The following TMEM45A variants were observed in gnomAD, a reference collection of about 807,000 sequenced individuals.
TMEM45A encodes DNA polymerase-transactivated protein 4.
In TMEM45A, 25 loss-of-function variants were observed where a neutral mutation model predicts 32.0. The observed-to-expected ratio is 0.78, with a 90% CI of 0.57 to 1.09. The LOEUF is 1.09. Among genes scored for constraint, TMEM45A ranks in the 50% least tolerant of loss-of-function variants. The probability of loss-of-function intolerance (pLI) is 0.00; values close to 1 mark genes in which losing one functional copy is unlikely to be tolerated. For synonymous variants in TMEM45A, 122 were observed against 114.8 expected (o/e 1.06, Z -0.40); for missense variants, 302 against 325.0 (o/e 0.93, Z 0.54).
At chr3:100,512,625 A>C (rs1204500929) in intron 1 of TMEM45A, among the ~76,000 whole-genome samples, 1 of 151,002 alleles carries the variant, frequency 6.6e-6, no homozygotes, top group Non-Finnish European at 1.5e-5. Context: ...AACTAAAATC[A>C]GAGCAGAACT....
chr3:100,505,076 G>A (rs2061083867), intron 1 of TMEM45A, among the ~76,000 whole-genome samples: 1 of 152,196 alleles, frequency 6.6e-6, no homozygotes, highest in Admixed American at 6.5e-5. Context: ...TGTTGTCACA[G>A]ACTCATTGCT....
intron 1 of TMEM45A, among the ~76,000 whole-genome samples, chr3:100,510,858 G>A (rs909789416): frequency 3.3e-5 from 5 of 152,216 alleles, no homozygotes; most frequent in African/African-American, 1.2e-4. Flanking sequence ...CGATCAACTG[G>A]AAGAAAGGTT....
chr3:100,511,964 A>G (rs1206518677), intron 1 of TMEM45A, among the ~76,000 whole-genome samples: 1 of 152,080 alleles, frequency 6.6e-6, no homozygotes, highest in Non-Finnish European at 1.5e-5. Context: ...GAGCACCCAG[A>G]TTCATAAAGC....
At chr3:100,509,891 G>A (rs13316697) in intron 1 of TMEM45A, among the ~76,000 whole-genome samples, 4,017 of 152,238 alleles carry the variant, frequency 0.026, 198 homozygotes, top group African/African-American at 0.092. Flanking sequence ...ACTCCCACCC[G>A]AATACTGCGC....
At chr3:100,513,058 T>A (rs1708194368) in intron 1 of TMEM45A, among the ~76,000 whole-genome samples, 1 of 149,214 alleles carries the variant, frequency 6.7e-6, no homozygotes, top group African/African-American at 2.5e-5. Flanking sequence ...AAGGAGGAAC[T>A]GGTACCATTC....
At chr3:100,516,915 T>C (rs1708271343) in intron 1 of TMEM45A, among the ~76,000 whole-genome samples, 1 of 152,122 alleles carries the variant, frequency 6.6e-6, no homozygotes, top group African/African-American at 2.4e-5. Context: ...TGAGTCCTTG[T>C]GAAGTGAAAA....
At chr3:100,506,500 A>G (rs775152689) in intron 1 of TMEM45A, among the ~76,000 whole-genome samples, 5 of 152,220 alleles carry the variant, frequency 3.3e-5, no homozygotes, top group African/African-American at 1.2e-4. Flanking sequence ...GTACCCTTAA[A>G]GAGTCCAACA....
intron 1 of TMEM45A, among the ~76,000 whole-genome samples, chr3:100,495,343 A>G (rs937456840): frequency 3.3e-5 from 5 of 152,212 alleles, no homozygotes; most frequent in African/African-American, 1.2e-4. Flanking sequence ...GAGGAAGGGA[A>G]GGGATTATAG....
chr3:100,547,550 C>A lies in TMEM45A; in HGVS notation c.-3-7659C>A, dbSNP rs539399386. ...TCATCATAAAGGTCTTCATCCTTAT[C>A]ATCTTTATGTTGAATAGGCTGAGGA... On this transcript the variant is annotated intron_variant, in intron 1 of 5. Coordinates refer to ENST00000323523, the MANE Select transcript of TMEM45A (RefSeq NM_018004.3). 7.2e-5 allele frequency among the ~76,000 whole-genome samples: 11 copies of A among 152,052 alleles called. No homozygotes were observed. The South Asian group carries it at 2.3e-3, about 32-fold the overall frequency.
At chr3:100,552,689 T>C (rs12635026) in intron 1 of TMEM45A, among the ~76,000 whole-genome samples, 63,657 of 151,626 alleles carry the variant, frequency 0.42, 13,478 homozygotes, top group Middle Eastern at 0.48. Context: ...GTATTTTGAG[T>C]GTGAGTGGCC....
intron 5 of TMEM45A, among the ~76,000 whole-genome samples, chr3:100,570,195 T>G (rs1225763496): frequency 6.6e-6 from 1 of 152,242 alleles, no homozygotes; most frequent in African/African-American, 2.4e-5. Flanking sequence ...GCTACTGTAT[T>G]GGACACTACA....
intron 4 of TMEM45A, among the ~76,000 whole-genome samples, chr3:100,559,994 C>G (rs1025386184): frequency 1.3e-5 from 2 of 151,982 alleles, no homozygotes; most frequent in African/African-American, 4.8e-5. Context: ...CCAGAGCAGA[C>G]GGTGATGGTT....
chr3:100,550,919 G>A (rs918168508), intron 1 of TMEM45A, among the ~76,000 whole-genome samples: 1 of 152,094 alleles, frequency 6.6e-6, no homozygotes, highest in African/African-American at 2.4e-5. Flanking sequence ...GGCTTCTTTG[G>A]ATGGGGGAGG....
intron 2 of TMEM45A, 54 bp downstream of exon 2, chr3:100,555,455 T>C (rs1321051890): frequency 6.7e-7 from 1 of 1,489,598 alleles, no homozygotes. Context: ...TTCATTCTTT[T>C]AAAGAATTGG....
At chr3:100,565,288 C>T (rs771722856) in intron 4 of TMEM45A, among the ~76,000 whole-genome samples, 1 of 152,130 alleles carries the variant, frequency 6.6e-6, no homozygotes, top group Non-Finnish European at 1.5e-5. Flanking sequence ...GTGACAAGCA[C>T]GTGGTGGTAC....
intron 1 of TMEM45A, among the ~76,000 whole-genome samples, chr3:100,523,893 TGAAG>T (rs1369752085): frequency 6.6e-6 from 1 of 152,206 alleles, no homozygotes; most frequent in East Asian, 1.9e-4. Flanking sequence ...GCTAATTGAA[TGAAG>T]GAAGGAAGGG....
chr3:100,569,228 C>T (rs1197473370), intron 5 of TMEM45A, among the ~76,000 whole-genome samples: 1 of 152,218 alleles, frequency 6.6e-6, no homozygotes, highest in Admixed American at 6.5e-5. Context: ...TCTGTGCCTC[C>T]ATGTCTCCAC....
chr3:100,527,686 A>C (rs989625086), intron 1 of TMEM45A, among the ~76,000 whole-genome samples: 1 of 152,222 alleles, frequency 6.6e-6, no homozygotes, highest in Non-Finnish European at 1.5e-5. Flanking sequence ...AAGATATACC[A>C]GTTCATGATG....
At chr3:100,528,973 TATAGGAG>T (rs1292183251) in intron 1 of TMEM45A, among the ~76,000 whole-genome samples, 1 of 152,208 alleles carries the variant, frequency 6.6e-6, no homozygotes, top group Non-Finnish European at 1.5e-5. Context: ...GTTTCTGTTT[TATAGGAG>T]ATTGGAAAGA....
Sources: allele counts gnomAD v4.1 joint callset (sites outside exome capture counted in the v4.1 genomes callset), GRCh38; gene constraint gnomAD v4.1.1; transcripts MANE v1.5; gene names NCBI Gene and HGNC (gene_info 2026-07-23, HGNC 2026-07-21).